CFAP97: variants seen among roughly 807,000 people sequenced by gnomAD.
CFAP97 encodes the protein cilia and flagella associated protein 97.
A neutral mutation model predicts 43.1 loss-of-function variants in CFAP97; 36 were observed. The observed-to-expected ratio is 0.84, with a 90% CI of 0.64 to 1.10. CFAP97 has a LOEUF of 1.10. Among genes scored for constraint, CFAP97 ranks in the 50% least tolerant of loss-of-function variants. CFAP97 has a pLI of 0.00. For missense variants in CFAP97, 657 were observed against 620.3 expected, an observed-to-expected ratio of 1.06 and a Z score of -0.63; for synonymous variants, 228 against 225.7, an observed-to-expected ratio of 1.01 and a Z score of -0.09.
chr4:185,183,535 C>T (rs761995656), intron 2 of CFAP97, among the ~76,000 whole-genome samples: 17 of 152,206 alleles, frequency 1.1e-4, no homozygotes, highest in Non-Finnish European at 2.5e-4. Context: ...TCATATCCAC[C>T]TACCATGACC....
upstream of CFAP97, among the ~76,000 whole-genome samples, chr4:185,206,995 A>G (rs544374758): frequency 6.6e-6 from 1 of 152,108 alleles, no homozygotes; most frequent in Non-Finnish European, 1.5e-5. Context: ...ATGGGAGAAG[A>G]GTGTATCCCA....
chr4:185,203,606 G>A (rs1275387560), intron 1 of CFAP97, among the ~76,000 whole-genome samples: 1 of 151,984 alleles, frequency 6.6e-6, no homozygotes, highest in Non-Finnish European at 1.5e-5. Flanking sequence ...ATGTGGTCGC[G>A]GCCCAATCTC....
chr4:185,204,707 G>T (rs563913583), upstream of CFAP97, among the ~76,000 whole-genome samples: 3 of 152,310 alleles, frequency 2.0e-5, no homozygotes, highest in Non-Finnish European at 4.4e-5. Flanking sequence ...GAATCACAAA[G>T]GTCCTTATAA....
upstream of CFAP97, among the ~76,000 whole-genome samples, chr4:185,205,213 C>A (rs536383963): frequency 6.6e-6 from 1 of 152,140 alleles, no homozygotes; most frequent in Non-Finnish European, 1.5e-5. Context: ...CCCAGCACTT[C>A]GGGAGGCCGA....
intron 4 of CFAP97, among the ~76,000 whole-genome samples, chr4:185,163,365 G>A (rs1442570459): frequency 2.0e-5 from 3 of 152,052 alleles, no homozygotes; most frequent in Non-Finnish European, 4.4e-5. Flanking sequence ...GAGGGCGGGC[G>A]CTGGGAAGTT....
upstream of CFAP97, chr4:185,209,707 G>C (rs1424181721): frequency 3.1e-6 from 3 of 982,300 alleles, no homozygotes; most frequent in African/African-American, 3.5e-5. The surrounding 1 kb of genome is among the most constrained non-coding windows in gnomAD (Gnocchi z 5.2). Context: ...GCGTCTGCGG[G>C]GGCCGCTCCC....
intron 2 of CFAP97, among the ~76,000 whole-genome samples, chr4:185,188,831 G>T (rs1483379262): frequency 2.6e-5 from 4 of 152,062 alleles, no homozygotes; most frequent in Admixed American, 2.6e-4. Context: ...GATTTATGGG[G>T]TGAAGACTTA....
chr4:185,167,503 C>T (rs890236679), intron 3 of CFAP97, among the ~76,000 whole-genome samples: 19 of 151,914 alleles, frequency 1.3e-4, no homozygotes, highest in African/African-American at 2.4e-4. Context: ...AATGCTGTAA[C>T]GATTGTAATA....
At chr4:185,190,075 T>A (rs994905771) in intron 2 of CFAP97, 68 bp downstream of exon 2, 3 of 1,250,674 alleles carry the variant, frequency 2.4e-6, no homozygotes, top group Non-Finnish European at 3.3e-6. Context: ...TGCAAATTCA[T>A]AGCATTTAAT....
Position 185,191,154 on chromosome 4 carries a change from A to G in CFAP97, c.43T>C (p.Ser15Pro). 6.2e-7 allele frequency: 1 copy of G among 1,603,842 alleles called. No individual in the cohort carries two copies. Among genetic ancestry groups the G allele is most frequent in the Non-Finnish European group, 8.5e-7 (1 of 1,176,688 alleles). Reference protein sequence around the residue: ...GDILEGEVDHSFFDSDFEEGK... With the variant: ...GDILEGEVDHPFFDSDFEEGK... Reference sequence around the variant, plus strand: ...TCTTCAAAGTCACTGTCAAAGAAAGAATGGTCCACTTCACCTTCTAATATA... The same window carrying G: ...TCTTCAAAGTCACTGTCAAAGAAAGGATGGTCCACTTCACCTTCTAATATA... Residue 15 changes from serine to proline, a missense_variant, in exon 2 of 5, where the codon TCT becomes CCT. Ser to Pro is a moderately conservative substitution (Grantham distance 74, BLOSUM62 -1). Transcript: ENST00000458385.
chr4:185,206,458 C>T (rs565126002), upstream of CFAP97, among the ~76,000 whole-genome samples: 33 of 147,642 alleles, frequency 2.2e-4, no homozygotes, highest in African/African-American at 7.9e-4. Context: ...ATCCTGAGGT[C>T]GGGGGGTTGA....
chr4:185,165,906 G>A (rs1735050451), intron 3 of CFAP97, among the ~76,000 whole-genome samples: 1 of 152,120 alleles, frequency 6.6e-6, no homozygotes, highest in South Asian at 2.1e-4. Flanking sequence ...AATAAGCCAA[G>A]ATATCCAGGG....
intron 3 of CFAP97, among the ~76,000 whole-genome samples, chr4:185,170,491 G>A (rs1170368738): frequency 1.3e-5 from 2 of 151,884 alleles, no homozygotes; most frequent in African/African-American, 4.8e-5. Context: ...CTGCTTCCCG[G>A]GTTCAAGTGA....
At position 185,190,774 on chromosome 4, in the gene CFAP97, A is replaced by C. The variant is rs766315298; in HGVS notation, c.423T>G (p.Asp141Glu). 7 of 1,602,620 alleles carry C rather than the reference A, an allele frequency of 4.4e-6. No individual in the cohort carries two copies. The highest frequency in any genetic ancestry group is 6.0e-6 in the Non-Finnish European group (7 of 1,173,782). The change falls in exon 2 of 5, where the codon GAT becomes GAG. Residue 141 changes from aspartate (D) to glutamate (E), a missense_variant. By Grantham distance (45) the Asp-to-Glu change is conservative. Transcript: ENST00000458385. ...TGGACTTCACATGGTATTTCTTCCC[A>C]TCATCACTGCTTTCCTCTCCATCTG... is the stretch of plus-strand genomic sequence containing the variant. ...YYTDGEESSD[D>E]GKKYHVKSKS...
Position 185,175,816 on chromosome 4 carries a change from C to T in CFAP97, c.1290G>A (p.Lys430=), listed in dbSNP as rs747924836. The change falls in exon 3 of 5, where the codon AAG becomes AAA. Residue 430 remains lysine (K), a synonymous_variant. Coordinates refer to ENST00000458385, the MANE Select transcript of CFAP97 (RefSeq NM_020827.3). The part of the protein sequence containing the change: ...KLYHSALNRQ[K]EQQRIERENL... Reference sequence around the variant, plus strand: ...TTTCTCTCTCAATCCTTTGTTGTTCCTTCTGTCTGTTGAGAGCACTGTGAT... The same window carrying T: ...TTTCTCTCTCAATCCTTTGTTGTTCTTTCTGTCTGTTGAGAGCACTGTGAT... 4.3e-6 allele frequency: 7 copies of T among 1,613,484 alleles called. No individual in the cohort carries two copies. In the South Asian group the frequency reaches 7.7e-5, roughly 18 times the overall value.
intron 3 of CFAP97, among the ~76,000 whole-genome samples, chr4:185,171,695 A>C (rs760954957): frequency 1.3e-5 from 2 of 152,210 alleles, no homozygotes; most frequent in African/African-American, 2.4e-5. Flanking sequence ...GTGAAAAGAA[A>C]GAGATATGGT....
rs145562654 is a variant in CFAP97, at chr4:185,170,898, T to C, written c.1320+4888A>G. 3.7e-3 allele frequency among the ~76,000 whole-genome samples: 518 copies of C among 141,226 alleles called. 3 individuals carry two copies. The highest frequency in any genetic ancestry group is 4.9e-3 in the Non-Finnish European group (327 of 66,790). The allele number at this position is 141,226 out of a possible 152,430, so 92.6% of individuals were successfully genotyped here. A position where few individuals can be genotyped will look rare whatever the true frequency, so the allele number is the denominator to read the frequency against. Reference sequence around the variant, plus strand: ...TACTCAGGGGGCTGAGGCAGGAGAATAGCTTGAACTCAGGAGGCAGAGGTT... The same window carrying C: ...TACTCAGGGGGCTGAGGCAGGAGAACAGCTTGAACTCAGGAGGCAGAGGTT... On this transcript the variant is annotated intron_variant, in intron 3 of 4. Transcript: ENST00000458385.
At chr4:185,188,829 G>A (rs914359678) in intron 2 of CFAP97, among the ~76,000 whole-genome samples, 1 of 152,074 alleles carries the variant, frequency 6.6e-6, no homozygotes, top group Admixed American at 6.6e-5. Context: ...AAGATTTATG[G>A]GGTGAAGACT....
At chr4:185,208,511 C>T (rs1204135882), upstream of CFAP97, among the ~76,000 whole-genome samples, 1 of 151,688 alleles carries the variant, frequency 6.6e-6, no homozygotes, top group Non-Finnish European at 1.5e-5. Context: ...AGGCGGATCA[C>T]GAGGTCAGGA....
Sources: allele counts gnomAD v4.1 joint callset (sites outside exome capture counted in the v4.1 genomes callset), GRCh38; gene constraint gnomAD v4.1.1; non-coding constraint Gnocchi (gnomAD v3.1); transcripts MANE v1.5; gene names NCBI Gene and HGNC (gene_info 2026-07-23, HGNC 2026-07-21).